ARHGEF4: variants seen among roughly 807,000 people sequenced by gnomAD.
ARHGEF4 encodes APC-stimulated guanine nucleotide exchange factor 1.
ARHGEF4 carries 119 observed loss-of-function variants against 162.0 expected under a neutral mutation model. The ratio of observed to expected loss-of-function variants is 0.73; its 90% CI spans 0.63 to 0.86. The LOEUF (loss-of-function observed/expected upper bound fraction) is 0.86, where lower values mean the gene tolerates loss of function less well. Ranked by LOEUF, ARHGEF4 falls within the 40% of genes least tolerant of loss-of-function variation. The pLI, the probability that ARHGEF4 is intolerant of heterozygous loss-of-function variation, is 0.00. For synonymous variants in ARHGEF4, 1,014 were observed against 979.9 expected, an observed-to-expected ratio of 1.03 and a Z score of -0.65; for missense variants, 2,488 against 2,456.0, an observed-to-expected ratio of 1.01 and a Z score of -0.28.
Position 130,917,511 on chromosome 2 carries a change from A to G in ARHGEF4, c.3552+13A>G, listed in dbSNP as rs1428975896. On this transcript the variant is annotated intron_variant, in intron 2 of 13. Transcript: ENST00000409359. ...TCCTGGGAGTGAGGTGAGTATCTGA[A>G]TCGCACCAAGCCTTTCCTGACCTCT... 7.8e-6 allele frequency: 12 copies of G among 1,543,184 alleles called. No homozygotes were observed. Among genetic ancestry groups the G allele is most frequent in the Non-Finnish European group, 8.7e-6 (10 of 1,143,888 alleles).
At chr2:130,918,538 C>G (rs913864900) in intron 2 of ARHGEF4, among the ~76,000 whole-genome samples, 3 of 152,220 alleles carry the variant, frequency 2.0e-5, no homozygotes, top group Admixed American at 6.5e-5. Flanking sequence ...CCACCCCACG[C>G]GGTGGCCTCT....
chr2:130,941,410 G>C (rs969498862), intron 3 of ARHGEF4, among the ~76,000 whole-genome samples: 3 of 151,758 alleles, frequency 2.0e-5, no homozygotes, highest in African/African-American at 4.8e-5. Context: ...TACCATGTTC[G>C]CCAGGCTGGT....
chr2:130,892,267 C>T lies in ARHGEF4; in HGVS notation c.40-21719C>T, dbSNP rs191124957. Among the ~76,000 whole-genome samples, 90 of 152,272 alleles carry T rather than the reference C, an allele frequency of 5.9e-4. 1 individual carries two copies. The highest frequency in any genetic ancestry group is 2.0e-3 in the African/African-American group (84 of 41,556). On this transcript the variant is annotated intron_variant, in intron 1 of 13. Transcript: ENST00000409359. ...TGACAGAGCACAAAGAGCACTTCTG[C>T]GACCAGATGTGGAGAGTTTCCCTCA...
intron 5 of ARHGEF4, chr2:131,034,805 T>A (rs10182707): frequency 5.5e-6 from 1 of 183,292 alleles, no homozygotes; most frequent in East Asian, 1.9e-4. Flanking sequence ...CCCGACCCTT[T>A]CCAAGGAGGT....
At chr2:130,993,549 A>G (rs1343570899) in intron 4 of ARHGEF4, among the ~76,000 whole-genome samples, 1 of 152,080 alleles carries the variant, frequency 6.6e-6, no homozygotes, top group Non-Finnish European at 1.5e-5. Flanking sequence ...ATCTTTCAGT[A>G]GGATTTTTAT....
chr2:130,983,072 A>G (rs1686237461), intron 4 of ARHGEF4, among the ~76,000 whole-genome samples: 1 of 152,244 alleles, frequency 6.6e-6, no homozygotes, highest in South Asian at 2.1e-4. Context: ...AGCAACCTGC[A>G]TATCTAATGA....
intron 1 of ARHGEF4, among the ~76,000 whole-genome samples, chr2:130,890,738 TAGG>T (rs1679815265): frequency 1.3e-5 from 2 of 152,224 alleles, no homozygotes; most frequent in Non-Finnish European, 2.9e-5. Flanking sequence ...TTTTAATTTT[TAGG>T]AGTTCTGTCT....
intron 2 of ARHGEF4, among the ~76,000 whole-genome samples, chr2:130,921,552 A>T (rs189461057): frequency 1.3e-5 from 2 of 152,168 alleles, no homozygotes; most frequent in Admixed American, 1.3e-4. Context: ...TCTCATTAGG[A>T]GTATCCTTTG....
At position 130,912,488 on chromosome 2, in the gene ARHGEF4, C is replaced by T. The variant is rs1009625347; in HGVS notation, c.40-1498C>T. Among the ~76,000 whole-genome samples the T allele has an allele frequency of 2.0e-5, 3 of 152,338 alleles. No individual in the cohort carries two copies. In the South Asian group the frequency reaches 6.2e-4, roughly 32 times the overall value. On this transcript the variant is annotated intron_variant, in intron 1 of 13. Coordinates refer to ENST00000409359, the MANE Select transcript of ARHGEF4 (RefSeq NM_001367493.1). Reference sequence around the variant, plus strand: ...CATGTTCTACCCTGCACCTTAAGAGCACTGGCTTTGGTGTGTGTTTGTTTT... The same window carrying T: ...CATGTTCTACCCTGCACCTTAAGAGTACTGGCTTTGGTGTGTGTTTGTTTT...
chr2:130,898,694 C>T (rs1680307634), intron 1 of ARHGEF4, among the ~76,000 whole-genome samples: 1 of 152,156 alleles, frequency 6.6e-6, no homozygotes, highest in South Asian at 2.1e-4. Flanking sequence ...GAGGAGAAGG[C>T]AGTGGGTGCG....
chr2:130,917,489 T>C lies in ARHGEF4; in HGVS notation c.3543T>C (p.Pro1181=), dbSNP rs763330776. 1.9e-6 allele frequency: 3 copies of C among 1,549,244 alleles called. No individual in the cohort carries two copies. In the South Asian group the frequency reaches 3.6e-5, roughly 18 times the overall value. ...CAGTGCCCTGGCTCAGGGACCTTCC[T>C]GGGAGTGAGGTGAGTATCTGAATCG... ...LGTVPWLRDL[P]GSENHMPWEE... The change falls in exon 2 of 14, where the codon CCT becomes CCC. Residue 1181 remains proline, a synonymous_variant. Coordinates refer to ENST00000409359, the MANE Select transcript of ARHGEF4 (RefSeq NM_001367493.1).
At chr2:130,885,478 A>G (rs190029725) in intron 1 of ARHGEF4, among the ~76,000 whole-genome samples, 37 of 151,954 alleles carry the variant, frequency 2.4e-4, no homozygotes, top group Admixed American at 1.8e-3. Context: ...TACTGTTACA[A>G]TGGCAACTAA....
intron 4 of ARHGEF4, among the ~76,000 whole-genome samples, chr2:131,003,207 T>C (rs1687894433): frequency 6.6e-6 from 1 of 152,082 alleles, no homozygotes; most frequent in Non-Finnish European, 1.5e-5. Context: ...TGGAGGACCA[T>C]CCCGCACGCA....
chr2:131,018,389 A>C (rs1317367229), intron 4 of ARHGEF4, among the ~76,000 whole-genome samples: 1 of 152,126 alleles, frequency 6.6e-6, no homozygotes, highest in Non-Finnish European at 1.5e-5. Flanking sequence ...TCTTTGAAGA[A>C]ATGTCTATTC....
chr2:130,985,440 C>T (rs746528685), intron 4 of ARHGEF4, among the ~76,000 whole-genome samples: 1 of 151,896 alleles, frequency 6.6e-6, no homozygotes, highest in Non-Finnish European at 1.5e-5. Flanking sequence ...GTGCTGCAGC[C>T]GAGGAAATGG....
chr2:130,969,156 A>G lies in ARHGEF4; in HGVS notation c.3985+22521A>G, dbSNP rs546422168. Among the ~76,000 whole-genome samples the G allele has an allele frequency of 4.6e-5, 7 of 152,298 alleles. 1 individual carries two copies. The South Asian group carries it at 1.5e-3, about 32-fold the overall frequency. On this transcript the variant is annotated intron_variant, in intron 4 of 13. Transcript: ENST00000409359. Reference sequence around the variant, plus strand: ...CTTACATTAGCCTGAAGCTGGGAAAATCATCTGACATAAAGCTGATTTTAT... The same window carrying G: ...CTTACATTAGCCTGAAGCTGGGAAAGTCATCTGACATAAAGCTGATTTTAT...
intron 4 of ARHGEF4, among the ~76,000 whole-genome samples, chr2:130,996,402 T>A (rs1558826497): frequency 6.6e-6 from 1 of 152,242 alleles, no homozygotes; most frequent in Non-Finnish European, 1.5e-5. Context: ...CTAGTGAATT[T>A]TTTGAATTAT....
At position 131,041,913 on chromosome 2, in the gene ARHGEF4, C is replaced by T. The variant is rs1690845753; in HGVS notation, c.4994C>T (p.Ala1665Val). Reference protein sequence around the residue: ...KRRLENIDKIAQWQSSIEDWE... With the variant: ...KRRLENIDKIVQWQSSIEDWE... ...AGACTTGAGAACATCGACAAGATTG[C>T]TCAGTGGCAGAGCTCCATAGAGGAC... Residue 1665 changes from alanine to valine, a missense_variant, in exon 10 of 14, where the codon GCT (alanine) becomes GTT (valine). Physicochemically the swap from Ala to Val is moderately conservative, Grantham distance 64. Coordinates refer to ENST00000409359, the MANE Select transcript of ARHGEF4 (RefSeq NM_001367493.1). The T allele has an allele frequency of 6.2e-7, 1 of 1,613,628 alleles. No individual in the cohort carries two copies. Among genetic ancestry groups the T allele is most frequent in the Non-Finnish European group, 8.5e-7 (1 of 1,180,028 alleles).
intron 4 of ARHGEF4, among the ~76,000 whole-genome samples, chr2:131,015,731 A>G (rs1176821932): frequency 6.6e-6 from 1 of 152,234 alleles, no homozygotes; most frequent in Non-Finnish European, 1.5e-5. Flanking sequence ...TACTAAAAAT[A>G]GAAACAAACT....
Sources: allele counts gnomAD v4.1 joint callset (sites outside exome capture counted in the v4.1 genomes callset), GRCh38; gene constraint gnomAD v4.1.1; transcripts MANE v1.5; gene names NCBI Gene and HGNC (gene_info 2026-07-23, HGNC 2026-07-21).